The following SLC5A9 variants were observed in gnomAD, a reference collection of about 807,000 sequenced individuals.
SLC5A9 encodes the protein sodium/glucose cotransporter 4.
Under a neutral mutation model 70.9 loss-of-function variants are expected in SLC5A9, and 59 were observed. That is an observed-to-expected ratio of 0.83 (90% CI 0.68 to 1.03). The LOEUF (loss-of-function observed/expected upper bound fraction) is 1.03. Among genes scored for constraint, SLC5A9 ranks in the 50% least tolerant of loss-of-function variants. The probability of loss-of-function intolerance (pLI) is 0.00; values close to 1 mark genes in which losing one functional copy is unlikely to be tolerated. For missense variants in SLC5A9, 832 were observed against 881.1 expected, an observed-to-expected ratio of 0.94 and a Z score of 0.71; for synonymous variants, 340 against 346.5, an observed-to-expected ratio of 0.98 and a Z score of 0.21.
intron 8 of SLC5A9, among the ~76,000 whole-genome samples, chr1:48,232,934 A>G (rs1644272328): frequency 7.2e-6 from 1 of 138,236 alleles, no homozygotes; most frequent in African/African-American, 2.6e-5. Flanking sequence ...AGAAAGAAAG[A>G]AAAGAAGAAG....
At chr1:48,226,024 G>A (rs1211533696) in intron 2 of SLC5A9, among the ~76,000 whole-genome samples, 1 of 152,120 alleles carries the variant, frequency 6.6e-6, no homozygotes, top group Non-Finnish European at 1.5e-5. Flanking sequence ...TCTCTGGAAG[G>A]TTTAGGTATC....
chr1:48,232,809 AAAGAG>A (rs143622039), intron 8 of SLC5A9, among the ~76,000 whole-genome samples: 34,967 of 148,498 alleles, frequency 0.24, 5,006 homozygotes, highest in Admixed American at 0.33. Context: ...AAAGTAAAGA[AAAGAG>A]AAGAGAAGAG....
chr1:48,224,410 G>A (rs532340235), intron 1 of SLC5A9, among the ~76,000 whole-genome samples: 80 of 152,308 alleles, frequency 5.3e-4, no homozygotes, highest in African/African-American at 1.7e-3. Context: ...CTCTGAAAGC[G>A]CACTTTGGGG....
chr1:48,246,596 C>T lies in SLC5A9; in HGVS notation c.1838-739C>T, dbSNP rs576694582. 5.3e-5 allele frequency among the ~76,000 whole-genome samples: 8 copies of T among 152,270 alleles called. No homozygotes were observed. The East Asian group carries it at 9.6e-4, about 18-fold the overall frequency. ...TTTAGTGAATTGTGCTACCTTTTAA[C>T]CTCAGAGCAGGCCCCTTTCTCACCC... is the stretch of plus-strand genomic sequence containing the variant. On this transcript the variant is annotated intron_variant, in intron 13 of 13. Coordinates refer to ENST00000438567, the MANE Select transcript of SLC5A9 (RefSeq NM_001011547.3).
chr1:48,237,669 T>C lies in SLC5A9; in HGVS notation c.1293-10T>C. ...GAGTGTGCCTCAGTGCCCTGTGCTC[T>C]CTCTGGCAGAGTGTTTGTGGTGTTC... is the stretch of plus-strand genomic sequence containing the variant. On this transcript the variant is annotated splice_polypyrimidine_tract_variant and intron_variant, in intron 10 of 13. Coordinates refer to ENST00000438567, the MANE Select transcript of SLC5A9 (RefSeq NM_001011547.3). The C allele has an allele frequency of 6.2e-7, 1 of 1,613,616 alleles. No individual in the cohort carries two copies. Among genetic ancestry groups the C allele is most frequent in the Non-Finnish European group, 8.5e-7 (1 of 1,179,754 alleles).
intron 5 of SLC5A9, 67 bp from the exon 6 acceptor site, chr1:48,231,478 C>T: frequency 3.1e-6 from 5 of 1,592,944 alleles, no homozygotes; most frequent in South Asian, 2.3e-5. Flanking sequence ...TGGCCATGCA[C>T]AGGGCAGGCA....
chr1:48,243,921 A>G (rs969474443), intron 13 of SLC5A9, among the ~76,000 whole-genome samples: 1 of 152,228 alleles, frequency 6.6e-6, no homozygotes, highest in Non-Finnish European at 1.5e-5. Context: ...TGAATAAGAC[A>G]TTGTCTCTGT....
At chr1:48,244,835 A>ATATTTAT (rs1644436604) in intron 13 of SLC5A9, among the ~76,000 whole-genome samples, 16 of 18,106 alleles carry the variant, frequency 8.8e-4, no homozygotes, top group East Asian at 5.6e-3. Context: ...TATATATATA[A>ATATTTAT]ATTATATATA....
At chr1:48,227,111 G>A (rs1411875538) in intron 2 of SLC5A9, among the ~76,000 whole-genome samples, 1 of 151,260 alleles carries the variant, frequency 6.6e-6, no homozygotes, top group African/African-American at 2.4e-5. Flanking sequence ...GAGGACATGT[G>A]CATGTGTGTG....
intron 10 of SLC5A9, 36 bp from the exon 11 acceptor site, chr1:48,237,643 C>T (rs200142113): frequency 2.6e-5 from 41 of 1,604,994 alleles, no homozygotes; most frequent in South Asian, 2.2e-5. Flanking sequence ...CATGCCCACC[C>T]GAGTGTGCCT....
chr1:48,235,022 A>G (rs1470551697), intron 9 of SLC5A9, among the ~76,000 whole-genome samples: 2 of 152,122 alleles, frequency 1.3e-5, no homozygotes, highest in Non-Finnish European at 2.9e-5. Context: ...GGAAGGAAAG[A>G]GGACTGAGGT....
At chr1:48,229,129 CAG>C (rs1157211139) in intron 3 of SLC5A9, 164 bp from the exon 4 acceptor site, 4 of 1,613,836 alleles carry the variant, frequency 2.5e-6, no homozygotes, top group Non-Finnish European at 3.4e-6. Flanking sequence ...CTGGAGGAGA[CAG>C]AGGGATCCAT....
At chr1:48,238,231 G>A (rs973536614) in intron 11 of SLC5A9, among the ~76,000 whole-genome samples, 68 of 152,336 alleles carry the variant, frequency 4.5e-4, no homozygotes, top group Non-Finnish European at 4.4e-5. Context: ...AGGCCTGAAG[G>A]ATTAATGAGA....
chr1:48,245,985 T>A (rs565498909), intron 13 of SLC5A9, among the ~76,000 whole-genome samples: 1 of 150,700 alleles, frequency 6.6e-6, no homozygotes, highest in South Asian at 2.1e-4. Context: ...ATATATAAAA[T>A]ATATATTTTT....
At chr1:48,233,605 C>A in intron 8 of SLC5A9, 50 bp from the exon 9 acceptor site, 1 of 1,475,238 alleles carries the variant, frequency 6.8e-7, no homozygotes, top group Non-Finnish European at 9.4e-7. Flanking sequence ...CTAGGCCAAC[C>A]TGAGAAGGCA....
Position 48,232,474 on chromosome 1 carries a change from T to G in SLC5A9, c.1005T>G (p.Pro335=). The G allele has an allele frequency of 6.2e-7, 1 of 1,614,206 alleles. No homozygotes were observed. Among genetic ancestry groups the G allele is most frequent in the East Asian group, 2.2e-5 (1 of 44,886 alleles). The change falls in exon 8 of 14, where the codon CCT becomes CCG. Residue 335 remains proline, a synonymous_variant. Transcript: ENST00000438567. ...KILPMFFIVM[P]GMISRALFPD... is the part of the protein sequence containing the mutation. ...TCCCCATGTTCTTCATCGTCATGCC[T>G]GGCATGATCAGCCGGGCCCTGTTCC...
At chr1:48,240,989 C>T (rs74667946) in intron 12 of SLC5A9, 12,365 of 152,280 alleles carry the variant, frequency 0.081, 657 homozygotes, top group Non-Finnish European at 0.11. Flanking sequence ...TCCTGCACCC[C>T]GAAGACCTCT....
intron 9 of SLC5A9, 114 bp downstream of exon 9, chr1:48,233,876 C>A: frequency 1.3e-6 from 1 of 745,086 alleles, no homozygotes. Flanking sequence ...AAACTATTCA[C>A]CTCTGCACCC....
In SLC5A9 at chr1:48,247,462, G is replaced by A. The variant is rs1452126429; in HGVS notation, c.1965G>A (p.Glu655=). 2 of 1,614,078 alleles carry A rather than the reference G, an allele frequency of 1.2e-6. No individual in the cohort carries two copies. Among genetic ancestry groups the A allele is most frequent in the African/African-American group, 2.7e-5 (2 of 74,918 alleles). ...AGAAGCTGACAAGCATTGAGGAGGAGCCACTCTGGAGACATGTCTGCAACA... is the reference window on the plus strand; with the variant it reads ...AGAAGCTGACAAGCATTGAGGAGGAACCACTCTGGAGACATGTCTGCAACA... The part of the protein sequence containing the change: ...LEQKLTSIEE[E]PLWRHVCNIN... The change falls in exon 14 of 14, where the codon GAG becomes GAA. Residue 655 remains glutamate (E), a synonymous_variant. Transcript: ENST00000438567.
Sources: allele counts gnomAD v4.1 joint callset (sites outside exome capture counted in the v4.1 genomes callset), GRCh38; gene constraint gnomAD v4.1.1; transcripts MANE v1.5; gene names NCBI Gene and HGNC (gene_info 2026-07-23, HGNC 2026-07-21).